Variants in TMEM71 observed in about 807,000 individuals in gnomAD.
TMEM71 encodes the protein transmembrane protein 71.
TMEM71 carries 44 observed loss-of-function variants against 38.0 expected under a neutral mutation model. The observed-to-expected ratio is 1.16, with a 90% CI of 0.91 to 1.49. TMEM71 has a LOEUF of 1.49. TMEM71 is among the 40% of genes most tolerant of loss of function. The pLI is 0.00. For synonymous variants in TMEM71, 133 were observed against 122.5 expected, an observed-to-expected ratio of 1.09 and a Z score of -0.56; for missense variants, 367 against 348.6, an observed-to-expected ratio of 1.05 and a Z score of -0.42.
chr8:132,715,795 G>A (rs973586877), intron 7 of TMEM71, among the ~76,000 whole-genome samples: 1 of 152,244 alleles, frequency 6.6e-6, no homozygotes, highest in African/African-American at 2.4e-5. Flanking sequence ...TGTTATTGCT[G>A]TGGGTTAGTA....
At chr8:132,764,945 G>A (rs1829344787), upstream of TMEM71, among the ~76,000 whole-genome samples, 1 of 152,160 alleles carries the variant, frequency 6.6e-6, no homozygotes, top group Non-Finnish European at 1.5e-5. Flanking sequence ...GTCTGGCTAG[G>A]TTCTCTGCCA....
chr8:132,740,347 T>G (rs1827970885), intron 5 of TMEM71, among the ~76,000 whole-genome samples: 1 of 152,214 alleles, frequency 6.6e-6, no homozygotes, highest in South Asian at 2.1e-4. Context: ...AATGAGGCCT[T>G]CTCTAACCAT....
intron 5 of TMEM71, among the ~76,000 whole-genome samples, chr8:132,742,554 A>G (rs925086926): frequency 1.3e-5 from 2 of 152,186 alleles, no homozygotes; most frequent in African/African-American, 4.8e-5. Context: ...ATTATTTGCA[A>G]ATGTATTTAT....
At chr8:132,718,450 T>G (rs1313976840) in intron 7 of TMEM71, among the ~76,000 whole-genome samples, 1 of 140,438 alleles carries the variant, frequency 7.1e-6, no homozygotes, top group Non-Finnish European at 1.5e-5. Context: ...CAGCCTGGAG[T>G]GCAGTGGCAC....
chr8:132,764,723 G>A (rs1317393409), upstream of TMEM71, among the ~76,000 whole-genome samples: 1 of 152,156 alleles, frequency 6.6e-6, no homozygotes, highest in Non-Finnish European at 1.5e-5. Flanking sequence ...TCCCAGACCA[G>A]GTTATGGATC....
chr8:132,715,945 G>A (rs1431540262), intron 7 of TMEM71, among the ~76,000 whole-genome samples: 1 of 152,210 alleles, frequency 6.6e-6, no homozygotes, highest in Non-Finnish European at 1.5e-5. Context: ...TCCCATAAGC[G>A]ATGGCAGCAG....
chr8:132,744,042 A>G (rs562975675), intron 5 of TMEM71, among the ~76,000 whole-genome samples: 51 of 152,238 alleles, frequency 3.4e-4, no homozygotes, highest in Non-Finnish European at 6.8e-4. Context: ...CATGGCACCT[A>G]CCACAATCAT....
Position 132,727,987 on chromosome 8 carries a change from C to T in TMEM71, c.488-1G>A. ...AGAGAAGAACAGTCTAAATCATCTG[C>T]TGAAAAAGCAGAGGGGTTCAGTGTG... On this transcript the variant is annotated splice_acceptor_variant, in intron 5 of 9. Coordinates refer to ENST00000677595, the MANE Select transcript of TMEM71 (RefSeq NM_001382403.1). LOFTEE classifies it high-confidence loss of function. 6.2e-7 allele frequency: 1 copy of T among 1,604,682 alleles called. No individual in the cohort carries two copies. Among genetic ancestry groups the T allele is most frequent in the Non-Finnish European group, 8.5e-7 (1 of 1,176,750 alleles).
chr8:132,716,059 AGCCCGGAACTGGAGGGG>A (rs1280500183), intron 7 of TMEM71, among the ~76,000 whole-genome samples: 1 of 152,018 alleles, frequency 6.6e-6, no homozygotes, highest in Non-Finnish European at 1.5e-5. Flanking sequence ...AACAGGAGGG[AGCCCGGAACTGGAGGGG>A]GCCCCGCCCT....
chr8:132,735,734 T>A (rs1383360122), intron 5 of TMEM71, among the ~76,000 whole-genome samples: 2 of 152,250 alleles, frequency 1.3e-5, no homozygotes, highest in African/African-American at 4.8e-5. Flanking sequence ...TGTTAATTTC[T>A]AAATATGTGA....
intron 6 of TMEM71, 93 bp from the exon 7 acceptor site, chr8:132,722,208 C>CAAAA: frequency 4.6e-5 from 29 of 633,642 alleles, no homozygotes; most frequent in East Asian, 2.6e-4. Flanking sequence ...CTTGTACCCA[C>CAAAA]CAAAAAAAAA....
chr8:132,758,914 C>A lies in TMEM71; in HGVS notation c.-35G>T. ...GCCGCTTGCTCAAACTTCACAGATT[C>A]TCTGCAAAAGATGTTAAAAAAAAGG... On this transcript the variant is annotated splice_region_variant and 5_prime_UTR_variant, in exon 2 of 10. Transcript: ENST00000677595. 1 of 1,603,680 alleles carries A rather than the reference C, an allele frequency of 6.2e-7. No homozygotes were observed. The highest frequency in any genetic ancestry group is 1.1e-5 in the South Asian group (1 of 90,702).
At chr8:132,736,939 A>G (rs1827782899) in intron 5 of TMEM71, among the ~76,000 whole-genome samples, 1 of 152,230 alleles carries the variant, frequency 6.6e-6, no homozygotes, top group South Asian at 2.1e-4. Flanking sequence ...TGATTTCCCC[A>G]TTTCACAGTG....
chr8:132,728,080 T>C lies in TMEM71; in HGVS notation c.488-94A>G. The C allele has an allele frequency of 6.4e-6, 6 of 934,596 alleles. No individual in the cohort carries two copies. The South Asian group carries it at 8.8e-5, about 14-fold the overall frequency. 57.9% of individuals were successfully genotyped at this position (934,596 alleles called of 1,614,324 possible). On this transcript the variant is annotated intron_variant, in intron 5 of 9. Transcript: ENST00000677595. ...GACTGCTCAATGCACAGTTAGTTCC[T>C]AATAATCACAAAAATAGTAATATTG...
chr8:132,756,105 A>G (rs1828988094), intron 3 of TMEM71, among the ~76,000 whole-genome samples: 3 of 152,048 alleles, frequency 2.0e-5, no homozygotes, highest in African/African-American at 7.2e-5. Context: ...ACATTTCACA[A>G]TGCTAGGGGA....
chr8:132,767,763 C>T, the TMEM71 span, among the ~76,000 whole-genome samples: 1 of 152,200 alleles, frequency 6.6e-6, no homozygotes, highest in African/African-American at 2.4e-5. Context: ...GTGTGAGCCA[C>T]CGCGCCCGGC....
chr8:132,757,353 G>A (rs1272635778), intron 2 of TMEM71, 59 bp from the exon 3 acceptor site: 29 of 1,226,170 alleles, frequency 2.4e-5, no homozygotes, highest in Non-Finnish European at 3.1e-5. Flanking sequence ...AGTTACATAT[G>A]TTGATACATG....
chr8:132,717,633 G>T (rs1826605514), intron 7 of TMEM71, among the ~76,000 whole-genome samples: 1 of 152,184 alleles, frequency 6.6e-6, no homozygotes, highest in Non-Finnish European at 1.5e-5. Context: ...CTCATACATT[G>T]CTGGTGGGGG....
At chr8:132,766,549 C>T in the TMEM71 span, among the ~76,000 whole-genome samples, 2 of 152,042 alleles carry the variant, frequency 1.3e-5, no homozygotes, top group African/African-American at 4.8e-5. Flanking sequence ...CCTACAATCC[C>T]AGCATCTTGG....
Sources: allele counts gnomAD v4.1 joint callset (sites outside exome capture counted in the v4.1 genomes callset), GRCh38; gene constraint gnomAD v4.1.1; transcripts MANE v1.5; gene names NCBI Gene and HGNC (gene_info 2026-07-23, HGNC 2026-07-21).